DHRSX: variants seen among roughly 807,000 people sequenced by gnomAD.
DHRSX encodes the protein polyprenol dehydrogenase.
In DHRSX, 31 loss-of-function variants were observed where a neutral mutation model predicts 34.0. The ratio of observed to expected loss-of-function variants is 0.91; its 90% CI spans 0.69 to 1.23. DHRSX has a LOEUF of 1.23. DHRSX is among the 50% of genes most tolerant of loss of function. The probability of loss-of-function intolerance (pLI) is 0.00; values close to 1 mark genes in which losing one functional copy is unlikely to be tolerated. For synonymous variants in DHRSX, 201 were observed against 183.8 expected (o/e 1.09, Z -0.76); for missense variants, 414 against 428.1 (o/e 0.97, Z 0.29).
intron 6 of DHRSX, among the ~76,000 whole-genome samples, chrX:2,226,731 C>T (rs2015671480): frequency 6.6e-6 from 1 of 151,696 alleles, no homozygotes; most frequent in Non-Finnish European, 1.5e-5. Context: ...GGAGGCGGGG[C>T]TTGCAGTGAG....
At chrX:2,361,193 C>T (rs890504978) in intron 3 of DHRSX, among the ~76,000 whole-genome samples, 13 of 152,096 alleles carry the variant, frequency 8.5e-5, no homozygotes, top group African/African-American at 3.1e-4. Context: ...TCACTGCAAC[C>T]TCCACCTCCC....
chrX:2,468,108 T>C (rs1383183553), intron 1 of DHRSX, among the ~76,000 whole-genome samples: 1 of 151,964 alleles, frequency 6.6e-6, no homozygotes, highest in Non-Finnish European at 1.5e-5. Flanking sequence ...TCTACACGAA[T>C]ATAAAGAATC....
At chrX:2,450,439 G>A (rs1444329571) in intron 1 of DHRSX, among the ~76,000 whole-genome samples, 1 of 152,006 alleles carries the variant, frequency 6.6e-6, no homozygotes, top group Non-Finnish European at 1.5e-5. Context: ...TCCAGGCTTG[G>A]CAACAAGAGC....
intron 3 of DHRSX, among the ~76,000 whole-genome samples, chrX:2,322,688 AAAC>A (rs1162746562): frequency 1.4e-5 from 2 of 146,210 alleles, no homozygotes; most frequent in African/African-American, 5.2e-5. Flanking sequence ...GGCTAAAAAA[AAAC>A]AAACAGCATT....
At chrX:2,411,987 G>C (rs1270550716) in intron 2 of DHRSX, among the ~76,000 whole-genome samples, 1 of 152,176 alleles carries the variant, frequency 6.6e-6, no homozygotes, top group Non-Finnish European at 1.5e-5. Flanking sequence ...GAGGTGGCAC[G>C]TGCGGTATCT....
chrX:2,414,511 T>A (rs911142684), intron 2 of DHRSX, among the ~76,000 whole-genome samples: 2 of 151,796 alleles, frequency 1.3e-5, no homozygotes, highest in African/African-American at 4.8e-5. Context: ...TACAACTATA[T>A]CTCATCAAGA....
At chrX:2,455,253 C>A (rs778607535) in intron 1 of DHRSX, among the ~76,000 whole-genome samples, 1 of 151,798 alleles carries the variant, frequency 6.6e-6, no homozygotes, top group Non-Finnish European at 1.5e-5. Flanking sequence ...ATTGGGTACC[C>A]GTGGATATAA....
chrX:2,450,255 G>T (rs1267202406), intron 1 of DHRSX, among the ~76,000 whole-genome samples: 60 of 152,146 alleles, frequency 3.9e-4, no homozygotes, highest in East Asian at 3.9e-4. Context: ...GTTTATAAAT[G>T]TTTTTTCTGA....
chrX:2,418,626 GCCCT>G (rs2043727726), intron 2 of DHRSX, among the ~76,000 whole-genome samples: 2 of 152,156 alleles, frequency 1.3e-5, no homozygotes, highest in African/African-American at 4.8e-5. Flanking sequence ...ATGGATGTGA[GCCCT>G]CCCATCTTTG....
At chrX:2,253,856 C>T (rs1471155462) in intron 5 of DHRSX, among the ~76,000 whole-genome samples, 3 of 152,088 alleles carry the variant, frequency 2.0e-5, no homozygotes, top group African/African-American at 7.2e-5. Flanking sequence ...GTCAGAATAT[C>T]GAGACCATCC....
At chrX:2,398,913 C>T (rs1030846698) in intron 3 of DHRSX, among the ~76,000 whole-genome samples, 17 of 150,974 alleles carry the variant, frequency 1.1e-4, no homozygotes, top group African/African-American at 2.2e-4. Context: ...AGTGCAGTGG[C>T]GCGATCTCGG....
chrX:2,318,181 C>A (rs2042262649), intron 3 of DHRSX, among the ~76,000 whole-genome samples: 1 of 122,374 alleles, frequency 8.2e-6, no homozygotes, highest in African/African-American at 3.0e-5. Context: ...CTCGTGTCTA[C>A]CAAAAATACA....
At chrX:2,327,374 G>GGAGGCA (rs1337191447) in intron 3 of DHRSX, among the ~76,000 whole-genome samples, 1 of 152,204 alleles carries the variant, frequency 6.6e-6, no homozygotes, top group Non-Finnish European at 1.5e-5. Flanking sequence ...ATGCCTCAAG[G>GGAGGCA]GAGGCAGAGG....
intron 1 of DHRSX, among the ~76,000 whole-genome samples, chrX:2,458,690 G>T (rs2681121): frequency 1.6e-4 from 24 of 152,100 alleles, no homozygotes; most frequent in East Asian, 9.6e-4. Flanking sequence ...GAAGTGTTTG[G>T]CAAAGAACAT....
Position 2,276,985 on chromosome X carries a change from G to A in DHRSX, c.389-10038C>T, listed in dbSNP as rs1202887040. The stretch of plus-strand genomic sequence containing the variant: ...AGGAAGAGGAGGAAATGGGGGAAGA[G>A]AGAGAAAGAGAGATGGAGAGGGAAC... On this transcript the variant is annotated intron_variant, in intron 4 of 6. Transcript: ENST00000334651. Among the ~76,000 whole-genome samples the A allele has an allele frequency of 3.0e-4, 6 of 20,188 alleles. No homozygotes were observed. The East Asian group carries it at 3.5e-3, about 12-fold the overall frequency. The allele number at this position is 20,188 out of a possible 152,430, so 13.2% of individuals were successfully genotyped here.
In DHRSX at chrX:2,239,376, C is replaced by A. The variant is rs746611838; in HGVS notation, c.804+3647G>T. Among the ~76,000 whole-genome samples the A allele has an allele frequency of 2.0e-3, 301 of 150,132 alleles. 1 individual carries two copies. The highest frequency in any genetic ancestry group is 6.7e-3 in the African/African-American group (274 of 40,792). ...TCATAATTCCAGCGCACAAGACCAACCTGGGCGAACAGCAAGATGCCGTTT... is the reference window on the plus strand; with the variant it reads ...TCATAATTCCAGCGCACAAGACCAAACTGGGCGAACAGCAAGATGCCGTTT... On this transcript the variant is annotated intron_variant, in intron 6 of 6. Coordinates refer to ENST00000334651, the MANE Select transcript of DHRSX (RefSeq NM_145177.3).
intron 3 of DHRSX, among the ~76,000 whole-genome samples, chrX:2,300,825 C>T (rs2042000196): frequency 6.6e-6 from 1 of 152,078 alleles, no homozygotes; most frequent in Admixed American, 6.6e-5. Context: ...CTGGCCAACA[C>T]AGGGTGCATC....
At chrX:2,402,258 A>G (rs1422676522) in intron 3 of DHRSX, among the ~76,000 whole-genome samples, 1 of 152,248 alleles carries the variant, frequency 6.6e-6, no homozygotes, top group Non-Finnish European at 1.5e-5. Flanking sequence ...AGAACGAAAC[A>G]GCACATTCAG....
chrX:2,408,019 T>C (rs112313916), intron 3 of DHRSX, among the ~76,000 whole-genome samples: 429 of 152,320 alleles, frequency 2.8e-3, no homozygotes, highest in African/African-American at 0.01. Context: ...CCTTCCTTAG[T>C]GTGAACAGAC....
Sources: gnomAD v4.1 joint callset for allele counts (sites outside exome capture counted in the v4.1 genomes callset) on GRCh38, gnomAD v4.1.1 for gene constraint, MANE v1.5 for transcripts, NCBI Gene and HGNC (gene_info 2026-07-23, HGNC 2026-07-21) for gene names.